The following DYM variants were observed in gnomAD, a reference collection of about 807,000 sequenced individuals.
The protein encoded by DYM is dyggve-Melchior-Clausen syndrome protein.
DYM carries 78 observed loss-of-function variants against 93.1 expected under a neutral mutation model. The ratio of observed to expected loss-of-function variants is 0.84; its 90% CI spans 0.70 to 1.01. The LOEUF (loss-of-function observed/expected upper bound fraction) is 1.01. Among genes scored for constraint, DYM ranks in the 50% least tolerant of loss-of-function variants. DYM has a pLI of 0.00. For missense variants in DYM, 789 were observed against 845.0 expected (o/e 0.93, Z 0.82); for synonymous variants, 321 against 319.7 (o/e 1.00, Z -0.04).
chr18:49,454,907 C>CAAAAAAAAAAAAAAAAAAAAAAAAA, intron 1 of DYM, among the ~76,000 whole-genome samples: 1 of 73,232 alleles, frequency 1.4e-5, no homozygotes, highest in Non-Finnish European at 2.6e-5. Flanking sequence ...GACTCTGTCT[C>CAAAAAAAAAAAAAAAAAAAAAAAAA]AAAAAAAAAA....
intron 1 of DYM, among the ~76,000 whole-genome samples, chr18:49,440,980 TA>T (rs1231596075): frequency 3.0e-4 from 1 of 3,326 alleles, no homozygotes; most frequent in African/African-American, 9.0e-4. Context: ...TATAATATAT[TA>T]TATATAATAT....
chr18:49,414,649 T>C (rs532677300), intron 2 of DYM, among the ~76,000 whole-genome samples: 3 of 152,170 alleles, frequency 2.0e-5, no homozygotes, highest in Non-Finnish European at 4.4e-5. Context: ...CCCCTCTACC[T>C]GGAATACTCT....
chr18:49,127,757 C>G (rs145663625), intron 15 of DYM, among the ~76,000 whole-genome samples: 22 of 152,262 alleles, frequency 1.4e-4, no homozygotes, highest in African/African-American at 4.8e-4. Flanking sequence ...TTATTTCTAG[C>G]CAGAACTGGA....
intron 17 of DYM, among the ~76,000 whole-genome samples, chr18:49,063,820 G>A (rs569454649): frequency 6.6e-5 from 10 of 151,974 alleles, no homozygotes; most frequent in Admixed American, 1.3e-4. Flanking sequence ...GTAGAGACAC[G>A]GTTCTGCCAT....
At chr18:49,223,084 A>T (rs192951463) in intron 13 of DYM, among the ~76,000 whole-genome samples, 44 of 152,254 alleles carry the variant, frequency 2.9e-4, no homozygotes, top group Admixed American at 2.9e-3. Flanking sequence ...ATGATCTATC[A>T]TCTAGAGTTA....
chr18:49,178,071 A>G (rs2089572709), intron 14 of DYM, among the ~76,000 whole-genome samples: 1 of 152,162 alleles, frequency 6.6e-6, no homozygotes, highest in African/African-American at 2.4e-5. Flanking sequence ...ACAAAGAGAG[A>G]ACAATTTCCA....
At chr18:49,161,822 C>T (rs1213254012) in intron 15 of DYM, among the ~76,000 whole-genome samples, 1 of 152,190 alleles carries the variant, frequency 6.6e-6, no homozygotes, top group Non-Finnish European at 1.5e-5. Context: ...TGACTGATAT[C>T]TGGACTGGGT....
At chr18:49,403,851 T>C (rs1434087808) in intron 2 of DYM, among the ~76,000 whole-genome samples, 1 of 152,180 alleles carries the variant, frequency 6.6e-6, no homozygotes, top group Non-Finnish European at 1.5e-5. Flanking sequence ...GGTTTTCTGT[T>C]CCTATGTTAA....
rs1483979211 is a variant in DYM, at chr18:49,459,735, C to T, written c.-54+663G>A. 2.6e-5 allele frequency among the ~76,000 whole-genome samples: 4 copies of T among 152,236 alleles called. No homozygotes were observed. The South Asian group carries it at 6.2e-4, about 24-fold the overall frequency. On this transcript the variant is annotated intron_variant, in intron 1 of 17. Coordinates refer to ENST00000675505, the MANE Select transcript of DYM (RefSeq NM_001353214.3). ...CTGTTCAGTAGAGAACAGCTTTATCCAATCAGCTTTACCACACCAATACCC... is the reference window on the plus strand; with the variant it reads ...CTGTTCAGTAGAGAACAGCTTTATCTAATCAGCTTTACCACACCAATACCC...
chr18:49,079,060 G>T (rs185110916), intron 17 of DYM, among the ~76,000 whole-genome samples: 6 of 152,250 alleles, frequency 3.9e-5, no homozygotes, highest in Admixed American at 3.9e-4. Context: ...GAGATTCTTT[G>T]TGTTTATTCT....
At chr18:49,454,224 AATG>A (rs1255787066) in intron 1 of DYM, among the ~76,000 whole-genome samples, 1 of 152,152 alleles carries the variant, frequency 6.6e-6, no homozygotes, top group Non-Finnish European at 1.5e-5. Context: ...CAGAGCAGGG[AATG>A]ATGATATAGG....
intron 14 of DYM, among the ~76,000 whole-genome samples, chr18:49,174,583 C>T (rs1287663169): frequency 6.6e-6 from 1 of 152,016 alleles, no homozygotes. Context: ...AAACTACTTT[C>T]CTGAAAAAAG....
intron 1 of DYM, among the ~76,000 whole-genome samples, chr18:49,457,407 CTT>C (rs1277282469): frequency 6.6e-5 from 10 of 152,142 alleles, no homozygotes; most frequent in Non-Finnish European, 1.3e-4. Flanking sequence ...TATAGAAAAA[CTT>C]TACATGGAGC....
chr18:49,313,123 G>A (rs557886452), intron 8 of DYM, among the ~76,000 whole-genome samples: 15 of 152,238 alleles, frequency 9.9e-5, no homozygotes, highest in African/African-American at 3.6e-4. Flanking sequence ...CACAGGATGA[G>A]ACCGGAGGTC....
chr18:49,128,808 T>G (rs933164547), intron 15 of DYM, among the ~76,000 whole-genome samples: 5 of 152,220 alleles, frequency 3.3e-5, no homozygotes, highest in Non-Finnish European at 7.3e-5. Context: ...AGAGTCATTA[T>G]TGGTTTTTAG....
chr18:49,351,556 C>G (rs918239069), intron 6 of DYM, among the ~76,000 whole-genome samples: 2 of 151,114 alleles, frequency 1.3e-5, no homozygotes, highest in African/African-American at 4.9e-5. Flanking sequence ...AAAGACAAAC[C>G]CAAGATTCTA....
chr18:49,207,143 T>C (rs1041680007), intron 14 of DYM, among the ~76,000 whole-genome samples: 2 of 152,164 alleles, frequency 1.3e-5, no homozygotes, highest in African/African-American at 4.8e-5. Flanking sequence ...CTGCTCCTGC[T>C]AGGTGAGGAG....
At chr18:49,310,951 G>C (rs920137824) in intron 8 of DYM, among the ~76,000 whole-genome samples, 1 of 152,018 alleles carries the variant, frequency 6.6e-6, no homozygotes. Flanking sequence ...ATCCAATATA[G>C]GCAAAATATT....
chr18:49,169,084 C>T (rs2088304012), intron 14 of DYM, among the ~76,000 whole-genome samples: 3 of 152,112 alleles, frequency 2.0e-5, no homozygotes, highest in Admixed American at 2.0e-4. Context: ...GACAGTGAGT[C>T]AAATATTTAC....
Sources: gnomAD v4.1 joint callset for allele counts (sites outside exome capture counted in the v4.1 genomes callset) on GRCh38, gnomAD v4.1.1 for gene constraint, MANE v1.5 for transcripts, NCBI Gene and HGNC (gene_info 2026-07-23, HGNC 2026-07-21) for gene names.